The following GPC5 variants were observed in gnomAD, a reference collection of about 807,000 sequenced individuals.
GPC5 encodes glypican-5.
GPC5 carries 47 observed loss-of-function variants against 53.9 expected under a neutral mutation model. The observed-to-expected ratio is 0.87, with a 90% CI of 0.69 to 1.11. The LOEUF (loss-of-function observed/expected upper bound fraction) is 1.11. Ranked by LOEUF, GPC5 falls within the 50% of genes most tolerant of loss-of-function variation. The pLI is 0.00. For synonymous variants in GPC5, 286 were observed against 263.3 expected (o/e 1.09, Z -0.84); for missense variants, 748 against 713.1 (o/e 1.05, Z -0.56).
At chr13:91,776,717 A>C (rs1430221242) in intron 5 of GPC5, among the ~76,000 whole-genome samples, 1 of 152,174 alleles carries the variant, frequency 6.6e-6, no homozygotes, top group East Asian at 1.9e-4. Context: ...CAACTGAATG[A>C]ATGGGCATGA....
chr13:92,284,610 C>T (rs571034841), intron 7 of GPC5, among the ~76,000 whole-genome samples: 23 of 152,236 alleles, frequency 1.5e-4, no homozygotes, highest in African/African-American at 5.1e-4. Context: ...TAAACATAAA[C>T]CAGCATATAA....
At chr13:92,408,178 C>A (rs138837492) in intron 7 of GPC5, among the ~76,000 whole-genome samples, 1 of 152,284 alleles carries the variant, frequency 6.6e-6, no homozygotes, top group Non-Finnish European at 1.5e-5. Context: ...TGCGAGGGAT[C>A]TAGGTTGTGT....
intron 6 of GPC5, among the ~76,000 whole-genome samples, chr13:92,022,968 A>G (rs887847787): frequency 2.6e-5 from 4 of 151,980 alleles, no homozygotes; most frequent in Non-Finnish European, 5.9e-5. Context: ...ATAACACTAT[A>G]TTTTCCTAAG....
At chr13:92,511,333 A>G (rs1344271914) in intron 7 of GPC5, among the ~76,000 whole-genome samples, 2 of 152,192 alleles carry the variant, frequency 1.3e-5, no homozygotes, top group African/African-American at 4.8e-5. Context: ...GTCTTTCACA[A>G]CATTGACTGG....
At chr13:91,894,246 C>G (rs2039418048) in intron 5 of GPC5, among the ~76,000 whole-genome samples, 1 of 151,906 alleles carries the variant, frequency 6.6e-6, no homozygotes, top group African/African-American at 2.4e-5. Context: ...CCCTTCAGGA[C>G]TTTGTTTGTT....
chr13:92,206,756 T>C (rs1190211150), intron 7 of GPC5, among the ~76,000 whole-genome samples: 1 of 152,068 alleles, frequency 6.6e-6, no homozygotes, highest in African/African-American at 2.4e-5. Flanking sequence ...ATCTGAAAAA[T>C]AAGAGTCAAA....
At chr13:92,537,301 G>C (rs115784043) in intron 7 of GPC5, among the ~76,000 whole-genome samples, 1 of 152,032 alleles carries the variant, frequency 6.6e-6, no homozygotes, top group Non-Finnish European at 1.5e-5. Flanking sequence ...TGACTGAAAG[G>C]TTCCTAAGAA....
intron 5 of GPC5, among the ~76,000 whole-genome samples, chr13:91,843,113 A>G (rs1266541937): frequency 1.3e-5 from 2 of 152,212 alleles, no homozygotes; most frequent in Non-Finnish European, 2.9e-5. Context: ...TTAGAATTGT[A>G]TTCTAAACTT....
intron 7 of GPC5, among the ~76,000 whole-genome samples, chr13:92,611,055 G>A (rs1884419736): frequency 6.8e-6 from 1 of 148,030 alleles, no homozygotes; most frequent in Admixed American, 6.9e-5. Flanking sequence ...TTATAATCAT[G>A]AAAGTTCCTG....
intron 7 of GPC5, among the ~76,000 whole-genome samples, chr13:92,728,825 A>T (rs996950959): frequency 1.3e-5 from 2 of 151,398 alleles, no homozygotes; most frequent in African/African-American, 2.4e-5. Flanking sequence ...AAAATTAGAG[A>T]TTATCTAGTT....
chr13:91,825,479 T>C (rs1462857757), intron 5 of GPC5, among the ~76,000 whole-genome samples: 7 of 152,096 alleles, frequency 4.6e-5, no homozygotes, highest in African/African-American at 1.4e-4. Context: ...TAATGCCTTA[T>C]AATGGTTGAA....
intron 2 of GPC5, among the ~76,000 whole-genome samples, chr13:91,591,780 T>C (rs2032808780): frequency 6.6e-6 from 1 of 152,248 alleles, no homozygotes; most frequent in Non-Finnish European, 1.5e-5. Flanking sequence ...TTTTTAGCTC[T>C]AGAAGTTCAG....
chr13:91,744,237 A>G (rs1212921881), intron 4 of GPC5, among the ~76,000 whole-genome samples: 1 of 152,150 alleles, frequency 6.6e-6, no homozygotes, highest in Non-Finnish European at 1.5e-5. Context: ...AGTAAAGGTA[A>G]CTATACATTA....
chr13:92,704,889 A>G (rs1594436863), intron 7 of GPC5, among the ~76,000 whole-genome samples: 1 of 148,188 alleles, frequency 6.7e-6, no homozygotes, highest in South Asian at 2.2e-4. Context: ...CAATGTGTGT[A>G]TATATATGAG....
At chr13:92,534,816 TA>T in intron 7 of GPC5, among the ~76,000 whole-genome samples, 1 of 152,034 alleles carries the variant, frequency 6.6e-6, no homozygotes, top group East Asian at 1.9e-4. Context: ...TGGTACAAGA[TA>T]AAAACAATAT....
rs553650259 is a variant in GPC5, at chr13:92,299,386, G to A, written c.1561+154397G>A. On this transcript the variant is annotated intron_variant, in intron 7 of 7. Coordinates refer to ENST00000377067, the MANE Select transcript of GPC5 (RefSeq NM_004466.6). Reference sequence around the variant, plus strand: ...GTGGTTCATTATCTATTCAAAGAAAGGTGAAACACTAGGGTCGTTATCCAG... The same window carrying A: ...GTGGTTCATTATCTATTCAAAGAAAAGTGAAACACTAGGGTCGTTATCCAG... Among the ~76,000 whole-genome samples, 33 of 152,116 alleles carry A rather than the reference G, an allele frequency of 2.2e-4. 1 individual carries two copies. Among genetic ancestry groups the A allele is most frequent in the Non-Finnish European group, 3.5e-4 (24 of 68,008 alleles).
chr13:92,599,597 C>T (rs1043600002), intron 7 of GPC5, among the ~76,000 whole-genome samples: 2 of 152,144 alleles, frequency 1.3e-5, no homozygotes, highest in African/African-American at 4.8e-5. Context: ...ATTTAACCTG[C>T]TGACAGAGCA....
At chr13:92,512,374 C>A (rs1318033282) in intron 7 of GPC5, among the ~76,000 whole-genome samples, 3 of 152,014 alleles carry the variant, frequency 2.0e-5, no homozygotes, top group Non-Finnish European at 2.9e-5. Context: ...ACAATTAATA[C>A]CACTGCACTT....
rs1360598611 is a variant in GPC5 at position 92,207,653 on chromosome 13, T to C, written c.1561+62664T>C. Among the ~76,000 whole-genome samples, 6 of 152,238 alleles carry C rather than the reference T, an allele frequency of 3.9e-5. No individual in the cohort carries two copies. In the South Asian group the frequency reaches 1.2e-3, roughly 31 times the overall value. The stretch of plus-strand genomic sequence containing the variant: ...TGCTAGAGACATATAATCCAGCCCT[T>C]CTTGCCTTCATCTTCTCTTATTTTA... On this transcript the variant is annotated intron_variant, in intron 7 of 7. Transcript: ENST00000377067.
Sources: allele counts gnomAD v4.1 joint callset (sites outside exome capture counted in the v4.1 genomes callset), GRCh38; gene constraint gnomAD v4.1.1; transcripts MANE v1.5; gene names NCBI Gene and HGNC (gene_info 2026-07-23, HGNC 2026-07-21).